IMMP2L: variants seen among roughly 807,000 people sequenced by gnomAD.
IMMP2L encodes the protein mitochondrial inner membrane protease subunit 2.
In IMMP2L, 18 loss-of-function variants were observed where a neutral mutation model predicts 19.3. The observed-to-expected ratio is 0.93, with a 90% CI of 0.64 to 1.38. The LOEUF (loss-of-function observed/expected upper bound fraction) is 1.38. Among genes scored for constraint, IMMP2L ranks in the 40% most tolerant of loss-of-function variants. The pLI is 0.00. For missense variants in IMMP2L, 233 were observed against 218.2 expected (o/e 1.07, Z -0.43); for synonymous variants, 76 against 73.0 (o/e 1.04, Z -0.21).
chr7:111,525,463 C>T lies in IMMP2L; in HGVS notation c.-2-4014G>A, dbSNP rs529161914. ...CTAAAATTGAGGTGAATGATCCTATCTGCATTTTGAAATAATCATCTATCT... is the reference window on the plus strand; with the variant it reads ...CTAAAATTGAGGTGAATGATCCTATTTGCATTTTGAAATAATCATCTATCT... On this transcript the variant is annotated intron_variant, in intron 1 of 5. Coordinates refer to ENST00000405709, the MANE Select transcript of IMMP2L (RefSeq NM_032549.4). 1.1e-4 allele frequency among the ~76,000 whole-genome samples: 16 copies of T among 152,244 alleles called. No individual in the cohort carries two copies. In the South Asian group the frequency reaches 2.9e-3, roughly 28 times the overall value.
intron 5 of IMMP2L, among the ~76,000 whole-genome samples, chr7:110,840,099 C>T (rs553532446): frequency 6.6e-6 from 1 of 152,096 alleles, no homozygotes; most frequent in East Asian, 1.9e-4. Context: ...TGGCAGAAGT[C>T]CAGGTTCCTT....
chr7:110,786,102 TAA>T (rs1800057929), intron 5 of IMMP2L, among the ~76,000 whole-genome samples: 1 of 151,992 alleles, frequency 6.6e-6, no homozygotes, highest in South Asian at 2.1e-4. Context: ...ATAAATATTA[TAA>T]AGAGTCTTTT....
chr7:110,672,162 T>G (rs2130347875), intron 5 of IMMP2L, among the ~76,000 whole-genome samples: 1 of 152,156 alleles, frequency 6.6e-6, no homozygotes, highest in African/African-American at 2.4e-5. Flanking sequence ...GTGAGGAAAC[T>G]TACAATCATA....
At position 111,209,396 on chromosome 7, in the gene IMMP2L, C is replaced by CAA. The variant is rs368679362; in HGVS notation, c.240-245833_240-245832dup. ...TCGGCGACAGAGCGAGACTCCTTCT[C>CAA]AAAAAAAAAAAAAAAAAAAAGTAAA... is the stretch of plus-strand genomic sequence containing the variant. On this transcript the variant is annotated intron_variant, in intron 3 of 5. Coordinates refer to ENST00000405709, the MANE Select transcript of IMMP2L (RefSeq NM_032549.4). Among the ~76,000 whole-genome samples, 306 of 88,264 alleles carry CAA rather than the reference C, an allele frequency of 3.5e-3. 2 individuals are homozygous for CAA. The highest frequency in any genetic ancestry group is 6.3e-3 in the Middle Eastern group (1 of 158). The allele number at this position is 88,264 out of a possible 152,430, so 57.9% of individuals were successfully genotyped here.
chr7:110,971,230 A>G (rs1231819270), intron 3 of IMMP2L, among the ~76,000 whole-genome samples: 1 of 152,162 alleles, frequency 6.6e-6, no homozygotes, highest in Non-Finnish European at 1.5e-5. Flanking sequence ...TTGCCATGAT[A>G]TCAGTGATAT....
At chr7:111,398,323 A>G (rs988117996) in intron 3 of IMMP2L, among the ~76,000 whole-genome samples, 9 of 152,170 alleles carry the variant, frequency 5.9e-5, no homozygotes, top group African/African-American at 2.2e-4. Flanking sequence ...GTAGTTTAAC[A>G]TACACAAGTC....
intron 3 of IMMP2L, among the ~76,000 whole-genome samples, chr7:111,460,309 A>G (rs1054094542): frequency 5.3e-5 from 8 of 152,184 alleles, no homozygotes; most frequent in Non-Finnish European, 1.5e-5. Flanking sequence ...TATTTCTTTC[A>G]CAAATACAGC....
At chr7:111,240,207 T>C (rs2129629068) in intron 3 of IMMP2L, among the ~76,000 whole-genome samples, 1 of 152,080 alleles carries the variant, frequency 6.6e-6, no homozygotes, top group South Asian at 2.1e-4. Flanking sequence ...AAAATCAATG[T>C]CACACTAGGC....
intron 3 of IMMP2L, among the ~76,000 whole-genome samples, chr7:111,301,002 T>C (rs1224554228): frequency 1.3e-5 from 2 of 152,134 alleles, no homozygotes; most frequent in Non-Finnish European, 2.9e-5. Flanking sequence ...TTTAGGTTCA[T>C]AGGAAACTGC....
intron 3 of IMMP2L, among the ~76,000 whole-genome samples, chr7:111,039,858 T>G (rs1353268620): frequency 6.6e-6 from 1 of 152,244 alleles, no homozygotes; most frequent in East Asian, 1.9e-4. Context: ...ACTCCATACA[T>G]GCAGACCCAA....
intron 3 of IMMP2L, among the ~76,000 whole-genome samples, chr7:111,482,477 G>A (rs930480234): frequency 9.2e-5 from 14 of 151,982 alleles, no homozygotes; most frequent in African/African-American, 2.2e-4. Flanking sequence ...GCCCCCCATC[G>A]TCCTTCCTTT....
intron 3 of IMMP2L, among the ~76,000 whole-genome samples, chr7:111,125,652 C>T (rs1273445392): frequency 6.6e-6 from 1 of 151,936 alleles, no homozygotes; most frequent in African/African-American, 2.4e-5. Context: ...AACCCTTTAA[C>T]TATTGACAGA....
At chr7:111,351,233 C>T (rs2130886185) in intron 3 of IMMP2L, among the ~76,000 whole-genome samples, 1 of 152,272 alleles carries the variant, frequency 6.6e-6, no homozygotes, top group African/African-American at 2.4e-5. Flanking sequence ...CTCTGTCACC[C>T]AGGCTGGAGT....
intron 5 of IMMP2L, among the ~76,000 whole-genome samples, chr7:110,881,798 A>G (rs1452533025): frequency 6.7e-6 from 1 of 149,642 alleles, no homozygotes; most frequent in African/African-American, 2.5e-5. Context: ...GCTGAAACCC[A>G]TTAACCACTC....
At chr7:111,041,052 C>T (rs1791846735) in intron 3 of IMMP2L, among the ~76,000 whole-genome samples, 1 of 152,072 alleles carries the variant, frequency 6.6e-6, no homozygotes, top group African/African-American at 2.4e-5. Context: ...TCTGAGTTAT[C>T]ATTCCCAGCT....
intron 5 of IMMP2L, among the ~76,000 whole-genome samples, chr7:110,806,312 A>C (rs892305321): frequency 3.3e-5 from 5 of 151,996 alleles, no homozygotes; most frequent in African/African-American, 1.2e-4. Flanking sequence ...ATAATTTTTC[A>C]ATATGTTCAA....
At chr7:110,947,072 T>C (rs2129553649) in intron 4 of IMMP2L, among the ~76,000 whole-genome samples, 1 of 152,238 alleles carries the variant, frequency 6.6e-6, no homozygotes, top group East Asian at 1.9e-4. Flanking sequence ...CAAAAGGAAA[T>C]AAAAGGATAA....
At position 110,803,867 on chromosome 7, in the gene IMMP2L, C is replaced by T. The variant is rs1485172220; in HGVS notation, c.408+82726G>A. Among the ~76,000 whole-genome samples the T allele has an allele frequency of 2.6e-5, 4 of 151,972 alleles. No homozygotes were observed. Among genetic ancestry groups the T allele is most frequent in the Admixed American group, 2.0e-4 (3 of 15,246 alleles). On this transcript the variant is annotated intron_variant, in intron 5 of 5. Coordinates refer to ENST00000405709, the MANE Select transcript of IMMP2L (RefSeq NM_032549.4). The surrounding 1 kb of genome is among the most constrained non-coding windows in gnomAD (Gnocchi z 4.2). ...TTGTTAGACATGCAAATTATCTTGC[C>T]CCACCTAAGACCTGGTGAATTACAA... is the stretch of plus-strand genomic sequence containing the variant.
At chr7:110,903,642 T>A (rs1812144168) in intron 4 of IMMP2L, among the ~76,000 whole-genome samples, 1 of 152,328 alleles carries the variant, frequency 6.6e-6, no homozygotes, top group South Asian at 2.1e-4. Flanking sequence ...ACATTTTCTT[T>A]ATCCATTCAC....
Sources: gnomAD v4.1 joint callset for allele counts (sites outside exome capture counted in the v4.1 genomes callset) on GRCh38, gnomAD v4.1.1 for gene constraint, Gnocchi (gnomAD v3.1) non-coding constraint, MANE v1.5 for transcripts, NCBI Gene and HGNC (gene_info 2026-07-23, HGNC 2026-07-21) for gene names.